The following LRP1B variants were observed in gnomAD, a reference collection of about 807,000 sequenced individuals.
LRP1B encodes low-density lipoprotein receptor-related protein 1B.
Under a neutral mutation model 556.6 loss-of-function variants are expected in LRP1B, and 217 were observed. The observed-to-expected ratio is 0.39, with a 90% confidence interval of 0.35 to 0.44. LRP1B has a LOEUF of 0.44. Ranked by LOEUF, LRP1B falls within the 20% of genes least tolerant of loss-of-function variation. The pLI is 1.00. For missense variants in LRP1B, 5,053 were observed against 5,620.8 expected, an observed-to-expected ratio of 0.90 and a Z score of 3.23; for synonymous variants, 2,047 against 1,865.8, an observed-to-expected ratio of 1.10 and a Z score of -2.50.
chr2:140,653,156 C>G (rs902971453), intron 41 of LRP1B, among the ~76,000 whole-genome samples: 4 of 151,862 alleles, frequency 2.6e-5, no homozygotes, highest in African/African-American at 9.7e-5. Context: ...TCAAAAGAGT[C>G]CTAAGAAATT....
At position 140,506,783 on chromosome 2, in the gene LRP1B, T is replaced by C. The variant is rs1246377245; in HGVS notation, c.8521+13A>G. On this transcript the variant is annotated intron_variant, in intron 53 of 90. Transcript: ENST00000389484. ...CCTAGGAATCTCCTTCATGAAGTTT[T>C]AGATGTACTTACCACACTGCGGTGA... The C allele has an allele frequency of 3.1e-6, 5 of 1,603,886 alleles. No homozygotes were observed. The highest frequency in any genetic ancestry group is 1.7e-6 in the Non-Finnish European group (2 of 1,176,682).
In LRP1B at chr2:141,137,881, A is replaced by ATT. The variant is rs553827147; in HGVS notation, c.1013+50538_1013+50539dup. On this transcript the variant is annotated intron_variant, in intron 7 of 90. Coordinates refer to ENST00000389484, the MANE Select transcript of LRP1B (RefSeq NM_018557.3). The stretch of plus-strand genomic sequence containing the variant: ...TAATAGTTCCTTTGCCATGTTATGG[A>ATT]TTTTTTTTTTTTAATTTGAAAGGTG... 1.2e-4 allele frequency among the ~76,000 whole-genome samples: 18 copies of ATT among 146,156 alleles called. 1 individual carries two copies. The highest frequency in any genetic ancestry group is 4.5e-4 in the African/African-American group (18 of 40,142).
intron 33 of LRP1B, 64 bp downstream of exon 33, chr2:140,776,034 G>C: frequency 7.9e-7 from 1 of 1,271,096 alleles, no homozygotes; most frequent in Non-Finnish European, 1.1e-6. Flanking sequence ...GAATTGAGGA[G>C]CTAATATAAA....
chr2:140,343,363 T>TA lies in LRP1B; in HGVS notation c.11892+7433dup, dbSNP rs376994442. ...GTACTTATTCAAAATTAAGTGCGAA[T>TA]ACTCTTTAATCTCGCATTTTCACTT... On this transcript the variant is annotated intron_variant, in intron 77 of 90. Transcript: ENST00000389484. 5.4e-3 allele frequency among the ~76,000 whole-genome samples: 815 copies of TA among 151,738 alleles called. 8 individuals are homozygous for TA. Among genetic ancestry groups the TA allele is most frequent in the African/African-American group, 0.019 (788 of 41,492 alleles).
chr2:141,653,108 G>A (rs1438445266), intron 2 of LRP1B, among the ~76,000 whole-genome samples: 3 of 152,204 alleles, frequency 2.0e-5, no homozygotes, highest in African/African-American at 7.2e-5. Context: ...GTAAGGATAA[G>A]GCATTTGATG....
chr2:141,743,815 G>A (rs950228296), intron 2 of LRP1B, among the ~76,000 whole-genome samples: 1 of 151,870 alleles, frequency 6.6e-6, no homozygotes, highest in Non-Finnish European at 1.5e-5. Flanking sequence ...TGCCCACTAA[G>A]GATCCTTTTA....
At chr2:141,369,141 A>C (rs183515962) in intron 3 of LRP1B, among the ~76,000 whole-genome samples, 4 of 152,244 alleles carry the variant, frequency 2.6e-5, no homozygotes, top group Non-Finnish European at 4.4e-5. Flanking sequence ...AACTAACCAA[A>C]ATAAAACAAA....
At chr2:141,417,620 T>A (rs1465534301) in intron 3 of LRP1B, among the ~76,000 whole-genome samples, 1 of 152,198 alleles carries the variant, frequency 6.6e-6, no homozygotes, top group Non-Finnish European at 1.5e-5. Context: ...ATGTTCACCA[T>A]CGAGGGACAT....
intron 77 of LRP1B, among the ~76,000 whole-genome samples, chr2:140,345,106 T>C (rs568597308): frequency 6.6e-6 from 1 of 151,854 alleles, no homozygotes; most frequent in African/African-American, 2.4e-5. Flanking sequence ...TAGTGTGTTA[T>C]CCTATCCATT....
At position 140,997,414 on chromosome 2, in the gene LRP1B, A is replaced by T. The variant is rs1032482507; in HGVS notation, c.2504-3279T>A. Among the ~76,000 whole-genome samples the T allele has an allele frequency of 2.0e-5, 3 of 151,716 alleles. 1 individual carries two copies. The highest frequency in any genetic ancestry group is 4.4e-5 in the Non-Finnish European group (3 of 67,896). ...TTTATTTTAGTTTGAATTATCTCAG[A>T]TTGGGAACTCAGCTCAGCTTCTGGA... On this transcript the variant is annotated intron_variant, in intron 15 of 90. Coordinates refer to ENST00000389484, the MANE Select transcript of LRP1B (RefSeq NM_018557.3).
chr2:140,885,848 T>C (rs912771676), intron 24 of LRP1B, among the ~76,000 whole-genome samples: 6 of 150,836 alleles, frequency 4.0e-5, no homozygotes, highest in African/African-American at 1.2e-4. Context: ...ATGTGACTAA[T>C]GGTATGTAAC....
intron 1 of LRP1B, among the ~76,000 whole-genome samples, chr2:142,078,697 T>A (rs1290957310): frequency 6.6e-6 from 1 of 152,176 alleles, no homozygotes; most frequent in Non-Finnish European, 1.5e-5. Flanking sequence ...TTAAAAAATA[T>A]TATTTACTTT....
rs370048075 is a variant in LRP1B, at chr2:140,836,064, G to A, written c.5209+3927C>T. Among the ~76,000 whole-genome samples, 6 of 152,228 alleles carry A rather than the reference G, an allele frequency of 3.9e-5. No homozygotes were observed. In the South Asian group the frequency reaches 6.2e-4, roughly 16 times the overall value. On this transcript the variant is annotated intron_variant, in intron 31 of 90. Coordinates refer to ENST00000389484, the MANE Select transcript of LRP1B (RefSeq NM_018557.3). ...CATATCATACTTTAGCAATGAAAAT[G>A]TTGCATTTATTTACTCATTCCTCTT...
chr2:140,552,355 T>A (rs1465871446), intron 43 of LRP1B, among the ~76,000 whole-genome samples: 1 of 152,156 alleles, frequency 6.6e-6, no homozygotes, highest in Non-Finnish European at 1.5e-5. Context: ...GAAGCCATTA[T>A]AACAACCTTT....
chr2:141,748,363 GA>G (rs1329351330), intron 2 of LRP1B, among the ~76,000 whole-genome samples: 2 of 152,102 alleles, frequency 1.3e-5, no homozygotes, highest in East Asian at 1.9e-4. Flanking sequence ...AGTTGTATGG[GA>G]AAAATATTTT....
At chr2:140,681,321 G>A in intron 41 of LRP1B, among the ~76,000 whole-genome samples, 1 of 151,890 alleles carries the variant, frequency 6.6e-6, no homozygotes, top group Non-Finnish European at 1.5e-5. Context: ...AAATAAATGA[G>A]CATCATCTAT....
At chr2:140,967,060 T>C (rs1158569544) in intron 18 of LRP1B, among the ~76,000 whole-genome samples, 3 of 152,146 alleles carry the variant, frequency 2.0e-5, no homozygotes, top group African/African-American at 7.2e-5. Context: ...TTTAAAGTAG[T>C]TTTTTCCAGT....
chr2:140,285,820 C>T (rs1175402364), intron 84 of LRP1B, among the ~76,000 whole-genome samples: 1 of 134,488 alleles, frequency 7.4e-6, no homozygotes, highest in Non-Finnish European at 1.6e-5. Flanking sequence ...AATTGTTCTG[C>T]CCTTAAGGAG....
intron 3 of LRP1B, among the ~76,000 whole-genome samples, chr2:141,299,632 A>T (rs1018569796): frequency 6.6e-6 from 1 of 152,238 alleles, no homozygotes; most frequent in South Asian, 2.1e-4. Flanking sequence ...CAGTAATTGT[A>T]CACGGACTGT....
Sources: gnomAD v4.1 joint callset for allele counts (sites outside exome capture counted in the v4.1 genomes callset) on GRCh38, gnomAD v4.1.1 for gene constraint, MANE v1.5 for transcripts, NCBI Gene and HGNC (gene_info 2026-07-23, HGNC 2026-07-21) for gene names.